The following PCDH15 variants were observed in gnomAD, a reference collection of about 807,000 sequenced individuals.
PCDH15 encodes protocadherin-15.
Under a neutral mutation model 178.5 loss-of-function variants are expected in PCDH15, and 129 were observed. The observed-to-expected ratio is 0.72, with a 90% CI of 0.63 to 0.84. The LOEUF is 0.84. Among genes scored for constraint, PCDH15 ranks in the 40% least tolerant of loss-of-function variants. PCDH15 has a pLI of 0.00. For synonymous variants in PCDH15, 800 were observed against 732.0 expected, an observed-to-expected ratio of 1.09 and a Z score of -1.50; for missense variants, 2,230 against 2,099.9, an observed-to-expected ratio of 1.06 and a Z score of -1.21.
At chr10:54,598,990 T>TA (rs1565704938) in intron 2 of PCDH15, among the ~76,000 whole-genome samples, 1 of 151,820 alleles carries the variant, frequency 6.6e-6, no homozygotes, top group African/African-American at 2.4e-5. Flanking sequence ...GAAATAAATT[T>TA]AAAAAAAAAT....
intron 2 of PCDH15, among the ~76,000 whole-genome samples, chr10:55,411,243 C>T (rs564750435): frequency 1.6e-4 from 24 of 152,032 alleles, no homozygotes; most frequent in African/African-American, 5.5e-4. Flanking sequence ...AAAACTGTGC[C>T]CAGTGCTGCT....
intron 1 of PCDH15, among the ~76,000 whole-genome samples, chr10:54,695,307 C>A (rs984520622): frequency 2.0e-5 from 3 of 152,104 alleles, no homozygotes; most frequent in African/African-American, 7.2e-5. Flanking sequence ...TCCCTTAAAC[C>A]AAAGCCTAAT....
intron 1 of PCDH15, among the ~76,000 whole-genome samples, chr10:54,784,293 T>A (rs1426348121): frequency 2.7e-5 from 4 of 147,840 alleles, no homozygotes; most frequent in African/African-American, 1.0e-4. Context: ...ACTGAAATTT[T>A]AAAAAATAAA....
At chr10:55,171,563 A>T (rs1218484799) in intron 1 of PCDH15, among the ~76,000 whole-genome samples, 1 of 152,152 alleles carries the variant, frequency 6.6e-6, no homozygotes, top group Non-Finnish European at 1.5e-5. Flanking sequence ...TAAAAGAAAA[A>T]TGGAAAGAAA....
chr10:54,185,282 T>A lies in PCDH15; in HGVS notation c.1306-14A>T. On this transcript the variant is annotated splice_polypyrimidine_tract_variant and intron_variant, in intron 11 of 37. Transcript: ENST00000644397. ...TGGGTCTTTTGTCTTTGAAAAAAAA[T>A]GACATCGTTTCAAACGTTGAATAAA... 14 of 1,613,052 alleles carry A rather than the reference T, an allele frequency of 8.7e-6. No individual in the cohort carries two copies. Among genetic ancestry groups the A allele is most frequent in the Non-Finnish European group, 1.2e-5 (14 of 1,179,240 alleles).
chr10:54,823,421 G>A (rs1253362318), intron 3 of PCDH15, among the ~76,000 whole-genome samples: 1 of 152,026 alleles, frequency 6.6e-6, no homozygotes, highest in East Asian at 1.9e-4. Context: ...TTATGTAATG[G>A]TAAAAGCTTG....
In PCDH15 at chr10:55,436,706, C is replaced by T. The variant is rs188397186; in HGVS notation, c.-156+190919G>A. Among the ~76,000 whole-genome samples, 41 of 151,978 alleles carry T rather than the reference C, an allele frequency of 2.7e-4. 1 individual carries two copies. The highest frequency in any genetic ancestry group is 9.6e-4 in the African/African-American group (40 of 41,478). The stretch of plus-strand genomic sequence containing the variant: ...GATATTAATTGTCTCTGCAAATTTG[C>T]GTAAAGAGAATGTATTTATTAAGCA... On this transcript the variant is annotated intron_variant, in intron 2 of 5. Transcript: ENST00000613346.
At chr10:54,779,508 ATG>A (rs1447861121) in intron 1 of PCDH15, among the ~76,000 whole-genome samples, 1 of 142,466 alleles carries the variant, frequency 7.0e-6, no homozygotes, top group Admixed American at 7.0e-5. Context: ...ACACACATAT[ATG>A]TGTGTATATA....
chr10:55,377,120 T>A (rs1296355316), intron 2 of PCDH15, among the ~76,000 whole-genome samples: 1 of 148,904 alleles, frequency 6.7e-6, no homozygotes, highest in Non-Finnish European at 1.5e-5. Context: ...TCTTGGCTAT[T>A]AACTTTGTGA....
intron 3 of PCDH15, among the ~76,000 whole-genome samples, chr10:54,428,492 C>A (rs543733705): frequency 6.6e-6 from 1 of 152,322 alleles, no homozygotes; most frequent in South Asian, 2.1e-4. Flanking sequence ...TGTACCTTCA[C>A]GTGGTAAATC....
At chr10:54,940,677 A>AT (rs1838038954) in intron 2 of PCDH15, among the ~76,000 whole-genome samples, 1 of 151,544 alleles carries the variant, frequency 6.6e-6, no homozygotes, top group African/African-American at 2.4e-5. Context: ...TAATTTGTCC[A>AT]TTTTTTTCTT....
chr10:54,560,114 T>C (rs1387558629), intron 2 of PCDH15, among the ~76,000 whole-genome samples: 4 of 152,214 alleles, frequency 2.6e-5, no homozygotes, highest in African/African-American at 9.6e-5. Flanking sequence ...TGATTCATCA[T>C]GTGAACCTGT....
intron 2 of PCDH15, among the ~76,000 whole-genome samples, chr10:55,106,713 C>T (rs911566265): frequency 6.6e-6 from 1 of 152,144 alleles, no homozygotes; most frequent in African/African-American, 2.4e-5. Flanking sequence ...CAAATCTTCT[C>T]AACTATAATA....
chr10:54,752,281 C>T (rs750882511), intron 1 of PCDH15, among the ~76,000 whole-genome samples: 63 of 151,260 alleles, frequency 4.2e-4, no homozygotes, highest in Admixed American at 2.2e-3. Flanking sequence ...TGGAGACCAT[C>T]CTGGCTAACA....
intron 2 of PCDH15, among the ~76,000 whole-genome samples, chr10:54,643,885 G>A (rs1296118161): frequency 6.8e-6 from 1 of 146,930 alleles, no homozygotes; most frequent in Non-Finnish European, 1.5e-5. Flanking sequence ...AGTTACATAT[G>A]TATACATGTG....
intron 5 of PCDH15, among the ~76,000 whole-genome samples, chr10:54,356,156 T>C (rs1000247338): frequency 6.6e-6 from 1 of 152,072 alleles, no homozygotes; most frequent in South Asian, 2.1e-4. Context: ...AAGCCATCAC[T>C]ACCAATAATG....
chr10:54,800,489 C>T (rs1385627764), intron 1 of PCDH15, among the ~76,000 whole-genome samples: 1 of 152,124 alleles, frequency 6.6e-6, no homozygotes, highest in African/African-American at 2.4e-5. Context: ...CCAACTATAA[C>T]CTCCAGCAAC....
At chr10:55,175,162 A>G (rs1839444360) in intron 1 of PCDH15, among the ~76,000 whole-genome samples, 1 of 152,146 alleles carries the variant, frequency 6.6e-6, no homozygotes, top group South Asian at 2.1e-4. Context: ...TGAAGAAGGA[A>G]GCACTTTCAG....
intron 1 of PCDH15, among the ~76,000 whole-genome samples, chr10:55,243,604 C>G (rs1301704839): frequency 6.6e-6 from 1 of 152,160 alleles, no homozygotes. Context: ...CAGTAGGAAC[C>G]AGTGCATTTA....
Sources: gnomAD v4.1 joint callset for allele counts (sites outside exome capture counted in the v4.1 genomes callset) on GRCh38, gnomAD v4.1.1 for gene constraint, MANE v1.5 for transcripts, NCBI Gene and HGNC (gene_info 2026-07-23, HGNC 2026-07-21) for gene names.